Variants in ABCB7 observed in about 807,000 individuals in gnomAD.
The protein encoded by ABCB7 is iron-sulfur clusters transporter ABCB7, mitochondrial.
In ABCB7, 7 loss-of-function variants were observed where a neutral mutation model predicts 54.4. That is an observed-to-expected ratio of 0.13 (90% CI 0.07 to 0.24). ABCB7 has a LOEUF of 0.24. Ranked by LOEUF, ABCB7 falls within the 10% of genes least tolerant of loss-of-function variation. ABCB7 has a pLI of 1.00. For missense variants in ABCB7, 356 were observed against 570.4 expected, an observed-to-expected ratio of 0.62 and a Z score of 3.83; for synonymous variants, 218 against 207.1, an observed-to-expected ratio of 1.05 and a Z score of -0.45.
intron 1 of ABCB7, among the ~76,000 whole-genome samples, chrX:75,125,126 T>A (rs1175926615): frequency 1.8e-5 from 2 of 111,810 alleles, no homozygotes; most frequent in Non-Finnish European, 3.8e-5. Context: ...TATTTGAAAC[T>A]CATATAAGAT....
chrX:75,146,031 G>A (rs1020077413), intron 1 of ABCB7, among the ~76,000 whole-genome samples: 2 of 110,098 alleles, frequency 1.8e-5, no homozygotes, highest in Non-Finnish European at 3.8e-5. Context: ...ATCAAGCCAA[G>A]CACCAATGAG....
chrX:75,095,207 T>C (rs1342616637), intron 4 of ABCB7, among the ~76,000 whole-genome samples: 1 of 111,777 alleles, frequency 8.9e-6, no homozygotes, highest in African/African-American at 3.3e-5. Context: ...CTAGTTATGA[T>C]ACCACTACAG....
intron 1 of ABCB7, among the ~76,000 whole-genome samples, chrX:75,150,537 T>C (rs1249601933): frequency 1.8e-5 from 2 of 111,458 alleles, no homozygotes; most frequent in East Asian, 2.8e-4. Flanking sequence ...ATCCCAATAA[T>C]GTAAAAATTA....
intron 1 of ABCB7, among the ~76,000 whole-genome samples, chrX:75,121,373 A>G (rs980010094): frequency 1.3e-4 from 14 of 111,533 alleles, no homozygotes; most frequent in Non-Finnish European, 2.6e-4. Flanking sequence ...ATAATAAAGC[A>G]AATCAGTCTT....
At position 75,064,511 on chromosome X, in the gene ABCB7, T is replaced by G. The variant is rs1276085902; in HGVS notation, c.1831+559A>C. The stretch of plus-strand genomic sequence containing the variant: ...TAATTCATTCTTAAACCTAGCAATC[T>G]CATAATTAAACATTTAACAAGAAAT... On this transcript the variant is annotated intron_variant, in intron 13 of 15. Transcript: ENST00000373394. Among the ~76,000 whole-genome samples the G allele has an allele frequency of 1.2e-4, 13 of 111,167 alleles. 1 individual carries two copies. Among genetic ancestry groups the G allele is most frequent in the Non-Finnish European group, 3.8e-5 (2 of 52,956 alleles).
intron 1 of ABCB7, among the ~76,000 whole-genome samples, chrX:75,128,034 G>C (rs911147406): frequency 9.0e-6 from 1 of 111,479 alleles, no homozygotes; most frequent in Non-Finnish European, 1.9e-5. Flanking sequence ...CAAAGTAATT[G>C]ATAGATTCAA....
At chrX:75,137,233 C>T (rs779508776) in intron 1 of ABCB7, among the ~76,000 whole-genome samples, 3 of 112,411 alleles carry the variant, frequency 2.7e-5, no homozygotes, top group African/African-American at 9.7e-5. Flanking sequence ...TGAACAGACA[C>T]TTCTCAAATG....
chrX:75,083,614 C>CA (rs34107866), intron 4 of ABCB7, among the ~76,000 whole-genome samples: 2 of 106,187 alleles, frequency 1.9e-5, no homozygotes, highest in Non-Finnish European at 3.9e-5. Flanking sequence ...TATGCAGAGG[C>CA]AAAAAAAACT....
chrX:75,077,614 C>T (rs979348792), intron 4 of ABCB7, among the ~76,000 whole-genome samples: 2 of 111,491 alleles, frequency 1.8e-5, no homozygotes, highest in African/African-American at 6.5e-5. Context: ...ATTATTATGC[C>T]ATCTATCTTT....
intron 1 of ABCB7, among the ~76,000 whole-genome samples, chrX:75,123,267 C>A (rs1232512482): frequency 1.8e-5 from 2 of 111,625 alleles, no homozygotes; most frequent in Non-Finnish European, 3.8e-5. Context: ...GTTTTCCCAA[C>A]ATGATTTATT....
At chrX:75,089,043 T>C (rs2081524126) in intron 4 of ABCB7, among the ~76,000 whole-genome samples, 1 of 110,853 alleles carries the variant, frequency 9.0e-6, no homozygotes, top group East Asian at 2.8e-4. Flanking sequence ...ATTTAAACTG[T>C]TGAAAAAAAC....
chrX:75,074,945 T>C (rs1328507499), intron 6 of ABCB7, among the ~76,000 whole-genome samples: 1 of 110,922 alleles, frequency 9.0e-6, no homozygotes, highest in African/African-American at 3.3e-5. Context: ...ACACATAATT[T>C]ACCCATGTAA....
At chrX:75,054,637 T>A (rs970843379) in intron 15 of ABCB7, among the ~76,000 whole-genome samples, 2 of 110,343 alleles carry the variant, frequency 1.8e-5, no homozygotes, top group African/African-American at 6.6e-5. Flanking sequence ...CCAAAGTTTA[T>A]TACACAATCA....
At chrX:75,117,292 G>A (rs1192386630) in intron 1 of ABCB7, among the ~76,000 whole-genome samples, 1 of 110,083 alleles carries the variant, frequency 9.1e-6, no homozygotes, top group South Asian at 4.0e-4. Flanking sequence ...AGGTCCAGTA[G>A]TATCTTTCTG....
chrX:75,088,142 C>T (rs973046069), intron 4 of ABCB7, among the ~76,000 whole-genome samples: 4 of 111,927 alleles, frequency 3.6e-5, no homozygotes, highest in African/African-American at 1.3e-4. Context: ...TTAGCAGGTT[C>T]TAGAGGAAAT....
chrX:75,098,648 TCCGAAAAG>T (rs2081613111), intron 4 of ABCB7, among the ~76,000 whole-genome samples: 1 of 111,518 alleles, frequency 9.0e-6, no homozygotes, highest in Non-Finnish European at 1.9e-5. Flanking sequence ...CCAAAGAGGC[TCCGAAAAG>T]CTTCTTTTAC....
chrX:75,063,753 C>T (rs2081298067), intron 13 of ABCB7, among the ~76,000 whole-genome samples: 1 of 111,837 alleles, frequency 8.9e-6, no homozygotes, highest in Non-Finnish European at 1.9e-5. Flanking sequence ...TGTTTATTCT[C>T]TAACATAATT....
At chrX:75,055,553 C>CAAAAA (rs59851777) in intron 15 of ABCB7, among the ~76,000 whole-genome samples, 1 of 21,750 alleles carries the variant, frequency 4.6e-5, no homozygotes, top group Non-Finnish European at 1.1e-4. Flanking sequence ...CCATCTCTAC[C>CAAAAA]AAAAAAAAAA....
intron 1 of ABCB7, among the ~76,000 whole-genome samples, chrX:75,138,040 A>ATTTT (rs2082023997): frequency 8.9e-6 from 1 of 112,255 alleles, no homozygotes; most frequent in Admixed American, 9.4e-5. Flanking sequence ...AAAGAAAAAA[A>ATTTT]TAAAAACATC....
Sources: allele counts gnomAD v4.1 joint callset (sites outside exome capture counted in the v4.1 genomes callset), GRCh38; gene constraint gnomAD v4.1.1; transcripts MANE v1.5; gene names NCBI Gene and HGNC (gene_info 2026-07-23, HGNC 2026-07-21).